The following SEL1L3 variants were observed in gnomAD, a reference collection of about 807,000 sequenced individuals.
SEL1L3 encodes the protein protein sel-1 homolog 3.
Under a neutral mutation model 142.8 loss-of-function variants are expected in SEL1L3, and 76 were observed. The ratio of observed to expected loss-of-function variants is 0.53; its 90% CI spans 0.44 to 0.64. The LOEUF (loss-of-function observed/expected upper bound fraction) is 0.64. SEL1L3 is among the 30% of genes least tolerant of loss of function. The pLI, the probability that SEL1L3 is intolerant of heterozygous loss-of-function variation, is 0.00. For missense variants in SEL1L3, 1,262 were observed against 1,381.7 expected, an observed-to-expected ratio of 0.91 and a Z score of 1.37; for synonymous variants, 504 against 519.6, an observed-to-expected ratio of 0.97 and a Z score of 0.41.
At chr4:25,741,566 C>T in the SEL1L3 span, among the ~76,000 whole-genome samples, 6 of 152,140 alleles carry the variant, frequency 3.9e-5, no homozygotes, top group Non-Finnish European at 4.4e-5. Context: ...ATTTTTTCTA[C>T]GAGGTTCTGC....
chr4:25,776,444 C>T lies in SEL1L3; in HGVS notation c.2586-84G>A, dbSNP rs1003992048. The T allele has an allele frequency of 1.5e-5, 14 of 917,578 alleles. No individual in the cohort carries two copies. The African/African-American group carries it at 2.3e-4, about 15-fold the overall frequency. The allele number at this position is 917,578 out of a possible 1,614,324, so 56.8% of individuals were successfully genotyped here. On this transcript the variant is annotated intron_variant, in intron 16 of 23. Transcript: ENST00000399878. ...TTCTTCATATGCTCTCAATAAATCC[C>T]ACTTGGGGAATATTTTGCTAGTTAG...
chr4:25,717,123 T>C, the SEL1L3 span, among the ~76,000 whole-genome samples: 5,354 of 152,078 alleles, frequency 0.035, 294 homozygotes, highest in African/African-American at 0.12. Flanking sequence ...TGAGACCCTG[T>C]CTTGAAAAAC....
Position 25,776,319 on chromosome 4 carries a change from T to G in SEL1L3, c.2627A>C (p.His876Pro), listed in dbSNP as rs1381229458. ...HVAEKNGYLGHVIRKGLNAYL... is the reference protein window; with the variant it reads ...HVAEKNGYLGPVIRKGLNAYL... ...GGCATTGAGGCCTTTGCGGATGACA[T>G]GGCCCAAGTAGCCATTTTTCTCAGC... The change falls in exon 17 of 24, where the codon CAT becomes CCT. Residue 876 changes from histidine to proline, a missense_variant. His to Pro is a moderately conservative substitution (Grantham distance 77). Transcript: ENST00000399878. The G allele has an allele frequency of 6.2e-7, 1 of 1,613,134 alleles. No homozygotes were observed. The highest frequency in any genetic ancestry group is 8.5e-7 in the Non-Finnish European group (1 of 1,179,424).
At chr4:25,741,258 C>T in the SEL1L3 span, among the ~76,000 whole-genome samples, 1 of 152,058 alleles carries the variant, frequency 6.6e-6, no homozygotes, top group Middle Eastern at 3.4e-3. Flanking sequence ...CAGCCACCAC[C>T]ACACCCAGCT....
chr4:25,775,250 A>C (rs1719534199), intron 17 of SEL1L3, among the ~76,000 whole-genome samples: 1 of 152,244 alleles, frequency 6.6e-6, no homozygotes, highest in Admixed American at 6.5e-5. Context: ...AAACTTTCAC[A>C]GGATGATGAT....
the SEL1L3 span, among the ~76,000 whole-genome samples, chr4:25,722,624 C>A: frequency 2.2e-4 from 23 of 103,662 alleles, no homozygotes; most frequent in South Asian, 3.1e-4. Flanking sequence ...CCAAAGGAGG[C>A]TTTTTTTTTT....
chr4:25,776,186 G>T, intron 17 of SEL1L3, 91 bp downstream of exon 17: 1 of 741,708 alleles, frequency 1.3e-6, no homozygotes, highest in Admixed American at 2.5e-5. Context: ...CCTGCAAATT[G>T]CTTTCTCAGT....
chr4:25,790,875 T>C (rs2109193392), intron 11 of SEL1L3, among the ~76,000 whole-genome samples: 1 of 152,322 alleles, frequency 6.6e-6, no homozygotes, highest in Admixed American at 6.5e-5. Context: ...AGACATGACA[T>C]TATTCTTAAA....
the SEL1L3 span, among the ~76,000 whole-genome samples, chr4:25,714,484 CTTTCTCTTTCTTTCTTTTTCTT>C: frequency 7.3e-4 from 88 of 121,262 alleles, no homozygotes; most frequent in African/African-American, 3.6e-3. Context: ...TGCTTTCTTT[CTTTCTCTTTCTTTCTTTTTCTT>C]TCTTTCTTTC....
chr4:25,737,644 A>G, the SEL1L3 span, among the ~76,000 whole-genome samples: 1 of 152,186 alleles, frequency 6.6e-6, no homozygotes, highest in African/African-American at 2.4e-5. Flanking sequence ...ACAAAAATAC[A>G]GTAGTGTCTC....
chr4:25,855,734 C>A (rs537451315), intron 1 of SEL1L3, among the ~76,000 whole-genome samples: 1 of 152,082 alleles, frequency 6.6e-6, no homozygotes, highest in African/African-American at 2.4e-5. Context: ...GCACTCCAGC[C>A]TGGACAACAG....
intron 13 of SEL1L3, among the ~76,000 whole-genome samples, chr4:25,786,961 T>A (rs895144150): frequency 2.6e-5 from 4 of 152,186 alleles, no homozygotes; most frequent in African/African-American, 9.7e-5. Flanking sequence ...CCTGGCCTTG[T>A]TTGAAGATGC....
chr4:25,850,207 C>G lies in SEL1L3; in HGVS notation c.163-2343G>C, dbSNP rs528178147. Among the ~76,000 whole-genome samples, 14 of 152,306 alleles carry G rather than the reference C, an allele frequency of 9.2e-5. No individual in the cohort carries two copies. In the South Asian group the frequency reaches 2.9e-3, roughly 32 times the overall value. On this transcript the variant is annotated intron_variant, in intron 1 of 23. Transcript: ENST00000399878. ...CGAATGTGAACTTTTATTCTACCGACAGCAAAGAATCAACAAAGGTTTCTG... is the reference window on the plus strand; with the variant it reads ...CGAATGTGAACTTTTATTCTACCGAGAGCAAAGAATCAACAAAGGTTTCTG...
downstream of SEL1L3, among the ~76,000 whole-genome samples, chr4:25,745,261 G>A (rs1466470673): frequency 1.3e-5 from 2 of 152,136 alleles, no homozygotes; most frequent in East Asian, 1.9e-4. Context: ...TGGGCATGGT[G>A]GCACATGCCT....
At chr4:25,725,716 G>T in the SEL1L3 span, among the ~76,000 whole-genome samples, 20,860 of 152,102 alleles carry the variant, frequency 0.14, 1,568 homozygotes, top group Middle Eastern at 0.18. Context: ...TGAAACTAAG[G>T]ATTTCTCTTC....
At chr4:25,836,051 GT>G (rs199678924) in intron 2 of SEL1L3, among the ~76,000 whole-genome samples, 9 of 152,066 alleles carry the variant, frequency 5.9e-5, no homozygotes, top group East Asian at 1.9e-4. Context: ...TAAAATTGCA[GT>G]TTTTTTTCTT....
chr4:25,795,405 T>C (rs1202203241), intron 11 of SEL1L3, among the ~76,000 whole-genome samples: 1 of 152,136 alleles, frequency 6.6e-6, no homozygotes, highest in African/African-American at 2.4e-5. Context: ...CCTTAGGTTG[T>C]GGGGATGAAG....
intron 2 of SEL1L3, among the ~76,000 whole-genome samples, chr4:25,845,983 G>A (rs117326339): frequency 2.1e-3 from 323 of 152,148 alleles, no homozygotes; most frequent in East Asian, 6.2e-3. Context: ...CCCCACCCCC[G>A]CAGATCCTGA....
chr4:25,739,314 A>G, the SEL1L3 span, among the ~76,000 whole-genome samples: 1 of 152,248 alleles, frequency 6.6e-6, no homozygotes, highest in Non-Finnish European at 1.5e-5. Flanking sequence ...GAGAGGCCAT[A>G]GAGATGTTGC....
Sources: gnomAD v4.1 joint callset for allele counts (sites outside exome capture counted in the v4.1 genomes callset) on GRCh38, gnomAD v4.1.1 for gene constraint, MANE v1.5 for transcripts, NCBI Gene and HGNC (gene_info 2026-07-23, HGNC 2026-07-21) for gene names.